Variants in NID2 observed in about 807,000 individuals in gnomAD.
NID2 encodes the protein nidogen 2.
Under a neutral mutation model 145.4 loss-of-function variants are expected in NID2, and 83 were observed. That is an observed-to-expected ratio of 0.57 (90% CI 0.48 to 0.69). NID2 has a LOEUF of 0.69. Among genes scored for constraint, NID2 ranks in the 30% least tolerant of loss-of-function variants. The pLI is 0.00. For missense variants in NID2, 1,807 were observed against 1,765.7 expected, an observed-to-expected ratio of 1.02 and a Z score of -0.42; for synonymous variants, 739 against 701.3, an observed-to-expected ratio of 1.05 and a Z score of -0.85.
At chr14:52,036,000 T>C (rs1439772037) in intron 9 of NID2, among the ~76,000 whole-genome samples, 1 of 151,906 alleles carries the variant, frequency 6.6e-6, no homozygotes, top group East Asian at 1.9e-4. Context: ...TAAGCCAGTA[T>C]GCCTGGCCTT....
chr14:52,052,433 T>C (rs1385358222), intron 5 of NID2, among the ~76,000 whole-genome samples: 10 of 152,212 alleles, frequency 6.6e-5, no homozygotes, highest in Non-Finnish European at 7.3e-5. Context: ...CATTGAATCC[T>C]CCCAAGTAAT....
intron 12 of NID2, among the ~76,000 whole-genome samples, chr14:52,023,989 T>G (rs1320404401): frequency 3.9e-5 from 6 of 152,112 alleles, no homozygotes; most frequent in African/African-American, 1.2e-4. Context: ...CTGAGACACA[T>G]GTACCCTATG....
intron 18 of NID2, 199 bp downstream of exon 18, chr14:52,010,677 A>G (rs772832169): frequency 6.2e-4 from 334 of 540,460 alleles, no homozygotes; most frequent in Non-Finnish European, 1.0e-3. Context: ...CTAATAAAAT[A>G]TAAGTGCCAT....
chr14:52,068,716 G>A (rs1313654104), intron 1 of NID2, 51 bp downstream of exon 1: 2 of 1,505,662 alleles, frequency 1.3e-6, no homozygotes, highest in Non-Finnish European at 1.8e-6. Context: ...CCGTGAGACC[G>A]ACCCCAGGGA....
chr14:52,027,894 G>A (rs1891649984), intron 11 of NID2, among the ~76,000 whole-genome samples: 1 of 151,614 alleles, frequency 6.6e-6, no homozygotes. Context: ...TGGCTAAAGA[G>A]TGCATTTTCT....
At position 52,004,963 on chromosome 14, in the gene NID2, T is replaced by TATAA. The variant is rs1391846325; in HGVS notation, c.*519_*522dup. The stretch of plus-strand genomic sequence containing the variant: ...ATTGAATCATTTTAGCACCTTTTGA[T>TATAA]ATAAATAGAAATGCACTGATGCAGA... On this transcript the variant is annotated 3_prime_UTR_variant, in exon 22 of 22. Coordinates refer to ENST00000216286, the MANE Select transcript of NID2 (RefSeq NM_007361.4). 6.3e-6 allele frequency: 1 copy of TATAA among 157,652 alleles called. No homozygotes were observed. Among genetic ancestry groups the TATAA allele is most frequent in the East Asian group, 1.9e-4 (1 of 5,332 alleles). The allele number at this position is 157,652 out of a possible 1,614,324, so 9.8% of individuals were successfully genotyped here.
intron 5 of NID2, among the ~76,000 whole-genome samples, chr14:52,050,236 T>C (rs1892641166): frequency 6.6e-6 from 1 of 152,238 alleles, no homozygotes; most frequent in African/African-American, 2.4e-5. Context: ...CCCAGGCAGC[T>C]GAAGCCCTCA....
At chr14:52,041,873 T>C (rs1892291371) in intron 7 of NID2, among the ~76,000 whole-genome samples, 2 of 152,228 alleles carry the variant, frequency 1.3e-5, no homozygotes, top group African/African-American at 2.4e-5. Flanking sequence ...AATCATCCTG[T>C]TTCTCAGAAC....
intron 20 of NID2, chr14:52,006,129 A>ACTAGT (rs1890770681): frequency 4.4e-6 from 2 of 450,784 alleles, no homozygotes; most frequent in East Asian, 8.6e-5. Context: ...TCATTTGAGA[A>ACTAGT]CTAGTCTAAA....
intron 21 of NID2, 107 bp downstream of exon 21, chr14:52,005,630 A>G (rs1890743967): frequency 7.2e-7 from 1 of 1,382,858 alleles, no homozygotes; most frequent in South Asian, 1.2e-5. Context: ...CAGGGCAGGA[A>G]GAAGGCAATG....
rs546901750 is a variant in NID2 at position 52,013,233 on chromosome 14, C to T, written c.3420+1054G>A. Among the ~76,000 whole-genome samples, 22 of 152,274 alleles carry T rather than the reference C, an allele frequency of 1.4e-4. 1 individual carries two copies. Among genetic ancestry groups the T allele is most frequent in the African/African-American group, 5.3e-4 (22 of 41,572 alleles). ...AGTTCCACTACCACTACCATCACCA[C>T]CCTGTCCTGGTCAGGGGCATGTTCA... On this transcript the variant is annotated intron_variant, in intron 16 of 21. Coordinates refer to ENST00000216286, the MANE Select transcript of NID2 (RefSeq NM_007361.4).
chr14:52,023,488 A>T (rs1398837557), intron 12 of NID2, among the ~76,000 whole-genome samples: 4 of 151,932 alleles, frequency 2.6e-5, no homozygotes, highest in Non-Finnish European at 5.9e-5. Context: ...ATTAAAAAAA[A>T]ATAAGAAAAG....
chr14:52,031,895 T>A (rs1315657921), intron 9 of NID2, among the ~76,000 whole-genome samples: 1 of 152,252 alleles, frequency 6.6e-6, no homozygotes, highest in Non-Finnish European at 1.5e-5. Context: ...GAACCTGGTC[T>A]ATACTCTCAA....
chr14:52,014,388 C>CCACAGATGGAGGGGT lies in NID2; in HGVS notation c.3304_3318dup (p.Thr1102_Val1106dup). Reference sequence around the variant, plus strand: ...CCCTGAGTATAGAGCAGGAAGGTGCCCACAGATGGAGGGGTCACATCTGGC... The same window carrying CCACAGATGGAGGGGT: ...CCCTGAGTATAGAGCAGGAAGGTGCCCACAGATGGAGGGGTCACAGATGGAGGGGTCACATCTGGC... On this transcript the variant is annotated inframe_insertion, in exon 16 of 22. Coordinates refer to ENST00000216286, the MANE Select transcript of NID2 (RefSeq NM_007361.4). The CCACAGATGGAGGGGT allele has an allele frequency of 6.2e-7, 1 of 1,614,146 alleles. No homozygotes were observed. Among genetic ancestry groups the CCACAGATGGAGGGGT allele is most frequent in the Non-Finnish European group, 8.5e-7 (1 of 1,180,018 alleles).
At chr14:52,059,135 G>T (rs971330352) in intron 3 of NID2, among the ~76,000 whole-genome samples, 2 of 152,216 alleles carry the variant, frequency 1.3e-5, no homozygotes, top group Non-Finnish European at 1.5e-5. Context: ...GAAAATAGTA[G>T]TACTAACCTA....
chr14:52,067,957 C>T lies in NID2; in HGVS notation c.435G>A (p.Pro145=). The T allele has an allele frequency of 5.0e-6, 8 of 1,611,320 alleles. No individual in the cohort carries two copies. The highest frequency in any genetic ancestry group is 1.3e-5 in the African/African-American group (1 of 74,818). ...LAARYVRAGF[P]RSARFTPTHA... ...GGGTGGGGGTAAAGCGCGCAGAGCGCGGGAAGCCAGCGCGCACATAGCGGG... is the reference window on the plus strand; with the variant it reads ...GGGTGGGGGTAAAGCGCGCAGAGCGTGGGAAGCCAGCGCGCACATAGCGGG... Residue 145 remains proline (P), a synonymous_variant, in exon 2 of 22, where the codon CCG becomes CCA. Transcript: ENST00000216286.
At chr14:52,047,658 T>TA (rs1892550871) in intron 5 of NID2, among the ~76,000 whole-genome samples, 1 of 151,986 alleles carries the variant, frequency 6.6e-6, no homozygotes, top group Non-Finnish European at 1.5e-5. Context: ...CGAGAGGGTT[T>TA]GCTGGTAGAC....
chr14:52,005,554 T>C, intron 21 of NID2, 58 bp from the exon 22 acceptor site: 1 of 1,567,880 alleles, frequency 6.4e-7, no homozygotes, highest in Admixed American at 1.8e-5. Flanking sequence ...GTAACCAAGT[T>C]GCAACAGCAA....
At chr14:52,056,696 G>A (rs1198142544) in intron 3 of NID2, among the ~76,000 whole-genome samples, 1 of 152,106 alleles carries the variant, frequency 6.6e-6, no homozygotes, top group African/African-American at 2.4e-5. Flanking sequence ...GGAGGCTAAG[G>A]CAGAAGAAAA....
Sources: gnomAD v4.1 joint callset for allele counts (sites outside exome capture counted in the v4.1 genomes callset) on GRCh38, gnomAD v4.1.1 for gene constraint, MANE v1.5 for transcripts, NCBI Gene and HGNC (gene_info 2026-07-23, HGNC 2026-07-21) for gene names.